TMEM145: variants seen among roughly 807,000 people sequenced by gnomAD.
TMEM145 encodes transmembrane protein 145.
TMEM145 carries 46 observed loss-of-function variants against 68.5 expected under a neutral mutation model. That is an observed-to-expected ratio of 0.67 (90% CI 0.53 to 0.86). TMEM145 has a LOEUF of 0.86. Among genes scored for constraint, TMEM145 ranks in the 40% least tolerant of loss-of-function variants. The pLI, the probability that TMEM145 is intolerant of heterozygous loss-of-function variation, is 0.00. For synonymous variants in TMEM145, 255 were observed against 280.2 expected (o/e 0.91, Z 0.90); for missense variants, 570 against 645.8 (o/e 0.88, Z 1.27).
chr19:42,324,968 C>A lies in TMEM145; in HGVS notation c.*151C>A. 1 of 1,219,608 alleles carries A rather than the reference C, an allele frequency of 8.2e-7. No individual in the cohort carries two copies. Among genetic ancestry groups the A allele is most frequent in the Non-Finnish European group, 1.0e-6 (1 of 963,328 alleles). 75.5% of individuals were successfully genotyped at this position (1,219,608 alleles called of 1,614,324 possible). ...TGACCTCGGACCCGTACTCCATCTG[C>A]CGCATCTCCATTCCGGGGGCCTTCC... On this transcript the variant is annotated 3_prime_UTR_variant, in exon 15 of 15. Coordinates refer to ENST00000301204, the MANE Select transcript of TMEM145 (RefSeq NM_173633.3).
In TMEM145 at chr19:42,315,071, G is replaced by T. The variant is rs184060663; in HGVS notation, c.499G>T (p.Glu167Ter). 5 of 1,614,194 alleles carry T rather than the reference G, an allele frequency of 3.1e-6. No homozygotes were observed. In the African/African-American group the frequency reaches 6.7e-5, roughly 22 times the overall value. ...SFWTRHFSAD[E>*]FGILETDVTF... ...CTGGACACGACACTTCTCCGCTGAT[G>T]AGTTTGGTGAGCACGTGGGGACCTA... The change falls in exon 6 of 15, where the codon GAG becomes TAG. Residue 167 changes from glutamate (E) to a stop codon, truncating the protein, a stop_gained. Coordinates refer to ENST00000301204, the MANE Select transcript of TMEM145 (RefSeq NM_173633.3). LOFTEE classifies it high-confidence loss of function.
intron 13 of TMEM145, among the ~76,000 whole-genome samples, 153 bp downstream of exon 13, chr19:42,320,590 C>T (rs561988773): frequency 6.6e-6 from 1 of 152,000 alleles, no homozygotes; most frequent in Non-Finnish European, 1.5e-5. Context: ...TGCTTGGTTC[C>T]TGCAGTCTCC....
chr19:42,320,372 G>C lies in TMEM145; in HGVS notation c.1129G>C (p.Ala377Pro). ...TGCCAATTTCGGCATCCCCAAGTGG[G>C]CCCGGGAGAAGATTGTCAATGGCAT... is the stretch of plus-strand genomic sequence containing the variant. The part of the protein sequence containing the change: ...LIANFGIPKW[A>P]REKIVNGIQL... The change falls in exon 13 of 15, where the codon GCC (alanine) becomes CCC (proline). Residue 377 changes from alanine (A) to proline (P), a missense_variant. Coordinates refer to ENST00000301204, the MANE Select transcript of TMEM145 (RefSeq NM_173633.3). 4 of 1,614,166 alleles carry C rather than the reference G, an allele frequency of 2.5e-6. No individual in the cohort carries two copies. Among genetic ancestry groups the C allele is most frequent in the Non-Finnish European group, 3.4e-6 (4 of 1,180,040 alleles).
At position 42,313,734 on chromosome 19, in the gene TMEM145, G is replaced by T. The variant is rs533124008; in HGVS notation, c.120+238G>T. ...CGTTGAGGTCAGAGCTGAGCGGGGA[G>T]GGGGAGCGGGTTGGGAGAGTCAGAG... On this transcript the variant is annotated intron_variant, in intron 1 of 14. Coordinates refer to ENST00000301204, the MANE Select transcript of TMEM145 (RefSeq NM_173633.3). This position sits in a 1 kb window ranked among gnomAD's most constrained non-coding sequence, Gnocchi z 5.1. 2.9e-3 allele frequency among the ~76,000 whole-genome samples: 443 copies of T among 152,222 alleles called. 1 individual carries two copies. The highest frequency in any genetic ancestry group is 4.9e-3 in the Non-Finnish European group (330 of 67,986).
At chr19:42,315,987 G>A (rs921884295) in intron 8 of TMEM145, among the ~76,000 whole-genome samples, 1 of 152,032 alleles carries the variant, frequency 6.6e-6, no homozygotes, top group African/African-American at 2.4e-5. Context: ...CCGAGATCAC[G>A]CCACTGCATT....
chr19:42,314,497 A>G lies in TMEM145; in HGVS notation c.242A>G (p.Gln81Arg), dbSNP rs771493201. The change falls in exon 3 of 15, where the codon CAG becomes CGG. Residue 81 changes from glutamine (Q) to arginine (R), a missense_variant. Physicochemically the swap from Gln to Arg is conservative, Grantham distance 43. Transcript: ENST00000301204. ...CTCCTCTATTTTGATGACCCATCCC[A>G]GTGGCCAGCCGTGTACAAGGCAGGG... ...NILLYFDDPSQWPAVYKAGDK... is the reference protein window; with the variant it reads ...NILLYFDDPSRWPAVYKAGDK... 3 of 1,614,028 alleles carry G rather than the reference A, an allele frequency of 1.9e-6. No homozygotes were observed. Among genetic ancestry groups the G allele is most frequent in the Non-Finnish European group, 2.5e-6 (3 of 1,180,036 alleles).
intron 14 of TMEM145, chr19:42,324,265 A>AC (rs899289931): frequency 3.0e-6 from 3 of 983,926 alleles, no homozygotes; most frequent in African/African-American, 1.8e-5. Flanking sequence ...TCTGACCCTG[A>AC]CCCCCCTCCC....
chr19:42,324,451 G>T (rs1478195946), intron 14 of TMEM145: 6 of 985,406 alleles, frequency 6.1e-6, no homozygotes, highest in Non-Finnish European at 4.8e-6. Flanking sequence ...TCGTGCCCCA[G>T]ACGGCAGCGC....
At position 42,323,640 on chromosome 19, in the gene TMEM145, C is replaced by A. The variant is rs1228688820; in HGVS notation, c.1252C>A (p.Gln418Lys). The A allele has an allele frequency of 6.2e-7, 1 of 1,614,214 alleles. No individual in the cohort carries two copies. Among genetic ancestry groups the A allele is most frequent in the Admixed American group, 1.7e-5 (1 of 60,026 alleles). Residue 418 changes from glutamine to lysine, a missense_variant, in exon 14 of 15, where the codon CAG (glutamine) becomes AAG (lysine). Transcript: ENST00000301204. The part of the protein sequence containing the change: ...KNFPYHVRTS[Q>K]IASAGVPGPG... ...CTTCCCGTACCACGTGCGCACGTCG[C>A]AGATCGCTTCAGCCGGAGTCCCTGG...
intron 12 of TMEM145, 50 bp downstream of exon 12, chr19:42,317,931 C>G: frequency 1.2e-6 from 2 of 1,602,998 alleles, no homozygotes; most frequent in Non-Finnish European, 1.7e-6. Context: ...TCGGGGCTCC[C>G]CAGAAGTGGT....
At chr19:42,324,637 T>TGCCCCC in intron 14 of TMEM145, 100 bp from the exon 15 acceptor site, 1 of 1,129,594 alleles carries the variant, frequency 8.9e-7, no homozygotes, top group Non-Finnish European at 1.1e-6. Flanking sequence ...TCCCGACCCT[T>TGCCCCC]CCCACCCCGC....
intron 6 of TMEM145, 31 bp downstream of exon 6, chr19:42,315,108 C>G (rs142180057): frequency 2.5e-6 from 4 of 1,614,078 alleles, no homozygotes; most frequent in Admixed American, 1.7e-5. Flanking sequence ...AAACCAGGCT[C>G]TCTGTGGGAC....
At chr19:42,322,569 C>A (rs1410941943) in intron 13 of TMEM145, among the ~76,000 whole-genome samples, 1 of 152,124 alleles carries the variant, frequency 6.6e-6, no homozygotes, top group Non-Finnish European at 1.5e-5. Flanking sequence ...TTCAGCACAA[C>A]CTTAGAAGAG....
rs2147426788 is a variant in TMEM145 at position 42,323,761 on chromosome 19, T to G, written c.1373T>G (p.Leu458Arg). The change falls in exon 14 of 15, where the codon CTC becomes CGC. Residue 458 changes from leucine (L) to arginine (R), a missense_variant. Transcript: ENST00000301204. Reference sequence around the variant, plus strand: ...GACTCGGTGCCCAACTTCACGGAGCTCTTCTCCATCCCCCCGCCCGCCACC... The same window carrying G: ...GACTCGGTGCCCAACTTCACGGAGCGCTTCTCCATCCCCCCGCCCGCCACC... ...ISDSVPNFTE[L>R]FSIPPPATSP... 6.2e-7 allele frequency: 1 copy of G among 1,613,948 alleles called. No homozygotes were observed. The highest frequency in any genetic ancestry group is 8.5e-7 in the Non-Finnish European group (1 of 1,179,944).
chr19:42,314,963 GC>G, intron 5 of TMEM145, 29 bp from the exon 6 acceptor site: 1 of 1,613,754 alleles, frequency 6.2e-7, no homozygotes, highest in Non-Finnish European at 8.5e-7. Flanking sequence ...CTTGCCCAGG[GC>G]CCCCCTTAGG....
At chr19:42,317,022 C>T in intron 11 of TMEM145, 59 bp downstream of exon 11, 1 of 1,461,926 alleles carries the variant, frequency 6.8e-7, no homozygotes. Flanking sequence ...CGCCGCCTCC[C>T]CCTTGACCTG....
At chr19:42,324,145 AG>A in intron 14 of TMEM145, 1 of 665,952 alleles carries the variant, frequency 1.5e-6, no homozygotes. Context: ...CCCGCCACCC[AG>A]TCCTTCCCTG....
intron 14 of TMEM145, 127 bp downstream of exon 14, chr19:42,323,916 C>T: frequency 2.4e-6 from 2 of 827,124 alleles, no homozygotes; most frequent in South Asian, 1.8e-5. Flanking sequence ...CTTTCGCACT[C>T]CCCGCGCCCC....
intron 10 of TMEM145, 23 bp downstream of exon 10, chr19:42,316,763 T>A (rs759503916): frequency 3.2e-6 from 4 of 1,251,316 alleles, no homozygotes; most frequent in Non-Finnish European, 4.3e-6. Flanking sequence ...GGCGTGCTCG[T>A]GGGGCGGCTG....
Sources: gnomAD v4.1 joint callset for allele counts (sites outside exome capture counted in the v4.1 genomes callset) on GRCh38, gnomAD v4.1.1 for gene constraint, Gnocchi (gnomAD v3.1) non-coding constraint, MANE v1.5 for transcripts, NCBI Gene and HGNC (gene_info 2026-07-23, HGNC 2026-07-21) for gene names.